The following CFAP97D2 variants were observed in gnomAD, a reference collection of about 807,000 sequenced individuals.
CFAP97D2 encodes uncharacterized protein CFAP97D2.
chr13:114,200,391 GT>G lies in CFAP97D2; in HGVS notation c.239del (p.Val80AlafsTer2), dbSNP rs2080912024. On this transcript the variant is annotated frameshift_variant, in exon 3 of 5. Coordinates refer to ENST00000646158, the Ensembl canonical transcript of CFAP97D2. LOFTEE classifies it high-confidence loss of function. ...CCTGCTCCTGGAGAAGGTGGCCTCTGTCATGAGGACCAGGGGACAGACTGAC... is the reference window on the plus strand; with the variant it reads ...CCTGCTCCTGGAGAAGGTGGCCTCTGCATGAGGACCAGGGGACAGACTGAC... The G allele has an allele frequency of 2.5e-6, 1 of 398,606 alleles. No homozygotes were observed. The highest frequency in any genetic ancestry group is 1.3e-4 in the South Asian group (1 of 7,872). The allele number at this position is 398,606 out of a possible 1,614,324, so 24.7% of individuals were successfully genotyped here.
intron 1 of CFAP97D2, among the ~76,000 whole-genome samples, chr13:114,195,229 G>A (rs2080881878): frequency 6.6e-6 from 1 of 152,234 alleles, no homozygotes. Flanking sequence ...TGACAGAGGA[G>A]CCTGTAAAAA....
At chr13:114,206,083 A>G (rs2080938639) in intron 3 of CFAP97D2, among the ~76,000 whole-genome samples, 1 of 151,038 alleles carries the variant, frequency 6.6e-6, no homozygotes, top group Non-Finnish European at 1.5e-5. Context: ...TTGCCAAATT[A>G]CAGTAGCTTT....
intron 1 of CFAP97D2, among the ~76,000 whole-genome samples, chr13:114,181,012 C>T (rs553439885): frequency 5.9e-5 from 9 of 152,202 alleles, no homozygotes; most frequent in African/African-American, 9.6e-5. Context: ...AGCTCTGTGA[C>T]GTCGGAAACC....
chr13:114,213,138 T>C (rs1040226080), intron 4 of CFAP97D2, among the ~76,000 whole-genome samples: 2 of 152,218 alleles, frequency 1.3e-5, no homozygotes, highest in Non-Finnish European at 2.9e-5. Context: ...TCACTCGCTT[T>C]ACCTGTATAT....
At chr13:114,215,110 G>GC (rs560153899) in intron 4 of CFAP97D2, among the ~76,000 whole-genome samples, 361 of 152,102 alleles carry the variant, frequency 2.4e-3, no homozygotes, top group African/African-American at 5.2e-3. Context: ...CCACCTAATT[G>GC]CCCCCCACAA....
chr13:114,182,253 T>C (rs939790223), intron 1 of CFAP97D2, among the ~76,000 whole-genome samples: 1 of 151,688 alleles, frequency 6.6e-6, no homozygotes, highest in South Asian at 2.1e-4. Context: ...GATTTATGTT[T>C]CTCTCCGCCC....
intron 1 of CFAP97D2, among the ~76,000 whole-genome samples, chr13:114,191,080 A>T (rs117584194): frequency 0.012 from 1,768 of 152,344 alleles, 97 homozygotes; most frequent in Admixed American, 0.081. Context: ...TTTAACTCAA[A>T]ATGGATCATA....
chr13:114,190,967 T>C (rs2080867308), intron 1 of CFAP97D2, among the ~76,000 whole-genome samples: 3 of 152,020 alleles, frequency 2.0e-5, no homozygotes, highest in Admixed American at 2.0e-4. Context: ...ACAAAGGCAA[T>C]ACAGTAGAGC....
At chr13:114,209,648 G>A (rs73572954) in intron 3 of CFAP97D2, among the ~76,000 whole-genome samples, 1,612 of 152,240 alleles carry the variant, frequency 0.011, 26 homozygotes, top group African/African-American at 0.036. Context: ...TGGCTCCACC[G>A]TTGTGTCTTC....
intron 2 of CFAP97D2, among the ~76,000 whole-genome samples, chr13:114,198,837 C>T (rs1418436932): frequency 5.0e-5 from 3 of 59,488 alleles, no homozygotes; most frequent in Non-Finnish European, 8.1e-5. Flanking sequence ...GGCGTGACAG[C>T]GCGTCCCCGT....
chr13:114,189,709 A>G lies in CFAP97D2; in HGVS notation c.91-6687A>G, dbSNP rs117408881. ...AATTAATCACATCAATGGGCTAAAA[A>G]AAGAAAAATCACATGATCATATCAG... On this transcript the variant is annotated intron_variant, in intron 1 of 4. Transcript: ENST00000646158. The surrounding 1 kb of genome is among the most constrained non-coding windows in gnomAD (Gnocchi z 4.5). 0.012 allele frequency among the ~76,000 whole-genome samples: 1,767 copies of G among 149,838 alleles called. 97 individuals carry two copies. Among genetic ancestry groups the G allele is most frequent in the Admixed American group, 0.082 (1,245 of 15,154 alleles).
intron 4 of CFAP97D2, among the ~76,000 whole-genome samples, chr13:114,220,715 C>T (rs1393336437): frequency 1.3e-5 from 2 of 152,208 alleles, no homozygotes; most frequent in East Asian, 3.9e-4. Context: ...ATTAAACAAA[C>T]ACAAATGATC....
intron 1 of CFAP97D2, among the ~76,000 whole-genome samples, chr13:114,182,209 G>T (rs1594512206): frequency 6.9e-6 from 1 of 143,904 alleles, no homozygotes; most frequent in Non-Finnish European, 1.5e-5. Flanking sequence ...TAAGTTCAAG[G>T]GAAGGTACTA....
rs2080927750 is a variant in CFAP97D2 at position 114,203,594 on chromosome 13, T to C, written c.290+3151T>C. Among the ~76,000 whole-genome samples, 1 of 152,184 alleles carries C rather than the reference T, an allele frequency of 6.6e-6. No homozygotes were observed. The highest frequency in any genetic ancestry group is 1.5e-5 in the Non-Finnish European group (1 of 68,040). On this transcript the variant is annotated intron_variant, in intron 3 of 4. Transcript: ENST00000646158. This position sits in a 1 kb window ranked among gnomAD's most constrained non-coding sequence, Gnocchi z 4.3. ...GAAGGGTGAGTAGAGCAGGATTTTC[T>C]TGGGTGACAAGGGAAAAAAAGAAAA...
intron 3 of CFAP97D2, among the ~76,000 whole-genome samples, chr13:114,205,257 TTCC>T (rs2080934416): frequency 6.6e-6 from 1 of 152,186 alleles, no homozygotes; most frequent in Admixed American, 6.5e-5. Flanking sequence ...AGTCCAGAAG[TTCC>T]TCAAGTGATT....
intron 1 of CFAP97D2, among the ~76,000 whole-genome samples, chr13:114,193,175 G>A (rs2080875424): frequency 6.6e-6 from 1 of 152,038 alleles, no homozygotes; most frequent in Non-Finnish European, 1.5e-5. Flanking sequence ...TATTTTATTT[G>A]TAAATGAAAT....
rs1249859492 is a variant in CFAP97D2 at position 114,187,492 on chromosome 13, A to G, written c.90+8072A>G. 6.6e-6 allele frequency among the ~76,000 whole-genome samples: 1 copy of G among 152,228 alleles called. No homozygotes were observed. On this transcript the variant is annotated intron_variant, in intron 1 of 4. Coordinates refer to ENST00000646158, the Ensembl canonical transcript of CFAP97D2. The surrounding 1 kb of genome is among the most constrained non-coding windows in gnomAD (Gnocchi z 4.2). ...AAGCTGGAGTAACTATATTAATTTT[A>G]GAGCAGACTTCAAAACAAGGAAAGT... is the stretch of plus-strand genomic sequence containing the variant.
chr13:114,216,442 C>A (rs971139935), intron 4 of CFAP97D2, among the ~76,000 whole-genome samples: 2 of 151,948 alleles, frequency 1.3e-5, no homozygotes, highest in African/African-American at 2.4e-5. Context: ...CCTCCCCACT[C>A]CCCCCACCCC....
rs558400881 is a variant in CFAP97D2 at position 114,207,279 on chromosome 13, G to A, written c.291-4633G>A. ...GGGTTTATTTGCCACCATTGAGGAC[G>A]CTACTGGGATACGGCATGGACAGCG... On this transcript the variant is annotated intron_variant, in intron 3 of 4. Transcript: ENST00000646158. The surrounding 1 kb of genome is among the most constrained non-coding windows in gnomAD (Gnocchi z 4.9). Among the ~76,000 whole-genome samples the A allele has an allele frequency of 3.9e-5, 6 of 152,294 alleles. No homozygotes were observed. The highest frequency in any genetic ancestry group is 4.2e-4 in the South Asian group (2 of 4,818).
Sources: gnomAD v4.1 joint callset for allele counts (sites outside exome capture counted in the v4.1 genomes callset) on GRCh38, gnomAD v4.1.1 for gene constraint, Gnocchi (gnomAD v3.1) non-coding constraint, MANE v1.5 for transcripts, NCBI Gene and HGNC (gene_info 2026-07-23, HGNC 2026-07-21) for gene names.